FNDC1: variants seen among roughly 807,000 people sequenced by gnomAD.
FNDC1 encodes the protein fibronectin type III domain containing 1.
A neutral mutation model predicts 168.0 loss-of-function variants in FNDC1; 96 were observed. The observed-to-expected ratio is 0.57, with a 90% CI of 0.48 to 0.68. FNDC1 has a LOEUF of 0.68. Ranked by LOEUF, FNDC1 falls within the 30% of genes least tolerant of loss-of-function variation. The pLI is 0.00. For synonymous variants in FNDC1, 1,099 were observed against 1,025.9 expected (o/e 1.07, Z -1.36); for missense variants, 2,587 against 2,482.1 (o/e 1.04, Z -0.90).
intron 4 of FNDC1, among the ~76,000 whole-genome samples, chr6:159,200,799 G>A (rs865968396): frequency 4.6e-5 from 7 of 152,272 alleles, no homozygotes; most frequent in African/African-American, 1.4e-4. Flanking sequence ...TCATGTTCTC[G>A]CGTGGGGAAG....
At chr6:159,265,846 T>G (rs1469857864) in intron 20 of FNDC1, among the ~76,000 whole-genome samples, 1 of 152,092 alleles carries the variant, frequency 6.6e-6, no homozygotes, top group Non-Finnish European at 1.5e-5. Context: ...GATAATCCCT[T>G]GAACCCGGGA....
At position 159,249,085 on chromosome 6, in the gene FNDC1, G is replaced by A; in HGVS notation, c.4737G>A (p.Ser1579=). The change falls in exon 16 of 23, where the codon TCG becomes TCA. Residue 1579 remains serine, a synonymous_variant. Transcript: ENST00000297267. ...TSRPPTTTEP[S]TTATTPRVIP... is the part of the protein sequence containing the mutation. ...GGCCACCAACCACCACTGAGCCTTC[G>A]ACCACTGCTACCACACCGAGGGTGA... The A allele has an allele frequency of 6.2e-7, 1 of 1,605,488 alleles. No homozygotes were observed. The highest frequency in any genetic ancestry group is 2.2e-5 in the East Asian group (1 of 44,688).
intron 17 of FNDC1, among the ~76,000 whole-genome samples, chr6:159,252,304 G>A (rs1027544613): frequency 6.6e-5 from 10 of 152,234 alleles, no homozygotes; most frequent in East Asian, 1.9e-4. Context: ...GGTAGCGGTC[G>A]CATTAGAGGT....
At position 159,232,303 on chromosome 6, in the gene FNDC1, A is replaced by C. The variant is rs754304870; in HGVS notation, c.1791A>C (p.Val597=). Reference sequence around the variant, plus strand: ...CAGCGCTGCCCCGAAGGGAAGGCGTAGATAAGCCTGGCTTTTCCCTGGCCA... The same window carrying C: ...CAGCGCTGCCCCGAAGGGAAGGCGTCGATAAGCCTGGCTTTTCCCTGGCCA... ...RMPALPRREG[V]DKPGFSLATQ... The change falls in exon 11 of 23, where the codon GTA becomes GTC. Residue 597 remains valine (V), a synonymous_variant. Coordinates refer to ENST00000297267, the MANE Select transcript of FNDC1 (RefSeq NM_032532.3). The surrounding 1 kb of genome is among the most constrained non-coding windows in gnomAD (Gnocchi z 4.9). The C allele has an allele frequency of 6.2e-7, 1 of 1,612,640 alleles. No individual in the cohort carries two copies. Among genetic ancestry groups the C allele is most frequent in the Non-Finnish European group, 8.5e-7 (1 of 1,179,382 alleles).
chr6:159,271,660 G>A lies in FNDC1; in HGVS notation c.*218G>A. ...AGGATTCAGTTTTGCTGTTAACTTTGCTTCTCTACTTTTTTTTGTTTGTTT... is the reference window on the plus strand; with the variant it reads ...AGGATTCAGTTTTGCTGTTAACTTTACTTCTCTACTTTTTTTTGTTTGTTT... On this transcript the variant is annotated 3_prime_UTR_variant, in exon 23 of 23. Transcript: ENST00000297267. 2.2e-6 allele frequency: 1 copy of A among 458,386 alleles called. No individual in the cohort carries two copies. The allele number at this position is 458,386 out of a possible 1,614,324, so 28.4% of individuals were successfully genotyped here. A position where few individuals can be genotyped will look rare whatever the true frequency, so the allele number is the denominator to read the frequency against.
chr6:159,267,771 C>T, intron 21 of FNDC1, 33 bp from the exon 22 acceptor site: 10 of 1,611,796 alleles, frequency 6.2e-6, no homozygotes, highest in Non-Finnish European at 8.5e-6. Context: ...CTTTCTGTAC[C>T]TAGTCATGGA....
rs1011833332 is a variant in FNDC1, at chr6:159,231,788, A to T, written c.1370-94A>T. 8 of 999,728 alleles carry T rather than the reference A, an allele frequency of 8.0e-6. No individual in the cohort carries two copies. The Middle Eastern group carries it at 7.1e-4, about 89-fold the overall frequency. 61.9% of individuals were successfully genotyped at this position (999,728 alleles called of 1,614,324 possible). On this transcript the variant is annotated intron_variant, in intron 10 of 22. Coordinates refer to ENST00000297267, the MANE Select transcript of FNDC1 (RefSeq NM_032532.3). ...TAGCCATTATGACTACTGATTTGAA[A>T]TGCCTCCATATGCTGTTTTAAATAC...
intron 9 of FNDC1, among the ~76,000 whole-genome samples, chr6:159,227,499 C>T (rs373694741): frequency 3.9e-5 from 6 of 152,082 alleles, no homozygotes; most frequent in African/African-American, 7.2e-5. Context: ...CTTTTATATT[C>T]ATCCAAAAGT....
chr6:159,249,635 T>A (rs970568661), intron 16 of FNDC1, among the ~76,000 whole-genome samples: 2 of 152,246 alleles, frequency 1.3e-5, no homozygotes, highest in Non-Finnish European at 2.9e-5. Flanking sequence ...TCTTTAGTTA[T>A]TTCCTATCAC....
At position 159,261,188 on chromosome 6, in the gene FNDC1, A is replaced by G; in HGVS notation, c.5175-2A>G. 1 of 1,605,838 alleles carries G rather than the reference A, an allele frequency of 6.2e-7. No homozygotes were observed. Among genetic ancestry groups the G allele is most frequent in the South Asian group, 1.1e-5 (1 of 89,910 alleles). On this transcript the variant is annotated splice_acceptor_variant, in intron 18 of 22. Coordinates refer to ENST00000297267, the MANE Select transcript of FNDC1 (RefSeq NM_032532.3). LOFTEE classifies it high-confidence loss of function. ...TCAAAATATATCTTCTTCCAACTTC[A>G]GGTATTATTTTAAAGTGCAAGCACA... is the stretch of plus-strand genomic sequence containing the variant.
In FNDC1 at chr6:159,266,150, G is replaced by C. The variant is rs747207185; in HGVS notation, c.5351G>C (p.Arg1784Pro). The part of the protein sequence containing the change: ...HDPSYTDCHG[R>P]QYVKRTWYRK... ...CCCAGCTACACGGACTGCCATGGAC[G>C]GCAATATGTGAAGCGCACGTGGTAT... Residue 1784 changes from arginine (R) to proline (P), a missense_variant, in exon 21 of 23, where the codon CGG becomes CCG. By Grantham distance (103) the Arg-to-Pro change is moderately radical. Transcript: ENST00000297267. 2.5e-6 allele frequency: 4 copies of C among 1,613,848 alleles called. No homozygotes were observed. In the African/African-American group the frequency reaches 5.3e-5, roughly 22 times the overall value.
intron 7 of FNDC1, among the ~76,000 whole-genome samples, chr6:159,223,864 T>C (rs1343970239): frequency 1.3e-5 from 2 of 152,234 alleles, no homozygotes; most frequent in African/African-American, 4.8e-5. Context: ...TCGTGTGTAG[T>C]GCACACAGCA....
rs116831202 is a variant in FNDC1, at chr6:159,169,945, G to A, written c.109+240G>A. The A allele has an allele frequency of 7.8e-3, 1,665 of 213,782 alleles. 22 individuals are homozygous for A. Among genetic ancestry groups the A allele is most frequent in the African/African-American group, 0.035 (1,513 of 43,154 alleles). 13.2% of individuals were successfully genotyped at this position (213,782 alleles called of 1,614,324 possible). On this transcript the variant is annotated intron_variant, in intron 1 of 22. Transcript: ENST00000297267. The surrounding 1 kb of genome is among the most constrained non-coding windows in gnomAD (Gnocchi z 6.8). ...GCCGTCGCCCGCCTTGGAGTCGGGA[G>A]GCTCCAGCCGTCTAAGTGTCCCGGG...
At chr6:159,194,521 T>C (rs1782204058) in intron 1 of FNDC1, among the ~76,000 whole-genome samples, 1 of 152,252 alleles carries the variant, frequency 6.6e-6, no homozygotes, top group South Asian at 2.1e-4. Context: ...CACTTTGTCA[T>C]ATTTCATCTT....
intron 19 of FNDC1, among the ~76,000 whole-genome samples, chr6:159,264,061 G>A (rs1044016544): frequency 3.9e-5 from 6 of 152,202 alleles, no homozygotes; most frequent in African/African-American, 7.2e-5. Flanking sequence ...ATAGAGACAG[G>A]TTTTACATTT....
intron 18 of FNDC1, among the ~76,000 whole-genome samples, chr6:159,260,532 G>A (rs1249746322): frequency 6.6e-6 from 1 of 152,052 alleles, no homozygotes; most frequent in Non-Finnish European, 1.5e-5. Context: ...GCAGAAGCTC[G>A]TAACTCAGTG....
Position 159,238,588 on chromosome 6 carries a change from C to A in FNDC1, c.4103C>A (p.Ala1368Glu), listed in dbSNP as rs144981345. 1.9e-6 allele frequency: 3 copies of A among 1,611,734 alleles called. No homozygotes were observed. The East Asian group carries it at 6.7e-5, about 36-fold the overall frequency. The change falls in exon 13 of 23, where the codon GCA becomes GAA. Residue 1368 changes from alanine to glutamate, a missense_variant. Ala to Glu is a moderately radical substitution (Grantham distance 107, BLOSUM62 -1). Transcript: ENST00000297267. ...VDLDRGLVLN[A>E]EGRYLQDSHG... ...CTTGATCGTGGGTTAGTATTGAATGCAGAAGGAAGGTACCTCCAAGATTCA... is the reference window on the plus strand; with the variant it reads ...CTTGATCGTGGGTTAGTATTGAATGAAGAAGGAAGGTACCTCCAAGATTCA...
intron 1 of FNDC1, among the ~76,000 whole-genome samples, chr6:159,193,727 C>G (rs1174482805): frequency 6.6e-6 from 1 of 152,204 alleles, no homozygotes; most frequent in African/African-American, 2.4e-5. Context: ...TATCTAAGAG[C>G]AGTCATGGAT....
intron 14 of FNDC1, among the ~76,000 whole-genome samples, chr6:159,244,560 T>C (rs1783499429): frequency 6.6e-6 from 1 of 152,232 alleles, no homozygotes; most frequent in Non-Finnish European, 1.5e-5. Context: ...TACAATGTAA[T>C]ATTCATGTCA....
Sources: allele counts gnomAD v4.1 joint callset (sites outside exome capture counted in the v4.1 genomes callset), GRCh38; gene constraint gnomAD v4.1.1; non-coding constraint Gnocchi (gnomAD v3.1); transcripts MANE v1.5; gene names NCBI Gene and HGNC (gene_info 2026-07-23, HGNC 2026-07-21).